Variants in KCNA4 observed in about 807,000 individuals in gnomAD.
The protein encoded by KCNA4 is potassium voltage-gated channel subfamily A member 4.
KCNA4 carries 5 observed loss-of-function variants against 37.2 expected under a neutral mutation model. The ratio of observed to expected loss-of-function variants is 0.13; its 90% CI spans 0.07 to 0.28. The LOEUF is 0.28. Among genes scored for constraint, KCNA4 ranks in the 10% least tolerant of loss-of-function variants. The probability of loss-of-function intolerance (pLI) is 1.00; values close to 1 mark genes in which losing one functional copy is unlikely to be tolerated. For missense variants in KCNA4, 634 were observed against 817.4 expected (o/e 0.78, Z 2.74); for synonymous variants, 350 against 311.8 (o/e 1.12, Z -1.29).
chr11:30,016,256 G>A (rs1850349450), intron 1 of KCNA4: 1 of 152,000 alleles, frequency 6.6e-6, no homozygotes, highest in Admixed American at 6.5e-5. Flanking sequence ...CCCCCCTCTC[G>A]TTGGGAAACG....
At chr11:30,014,959 G>A (rs1193696020) in intron 1 of KCNA4, among the ~76,000 whole-genome samples, 3 of 152,114 alleles carry the variant, frequency 2.0e-5, no homozygotes, top group Non-Finnish European at 4.4e-5. Context: ...ACCACCTGCT[G>A]CTCCTTGCTG....
In KCNA4 at chr11:30,010,912, G is replaced by A; in HGVS notation, c.1767C>T (p.Leu589=). The A allele has an allele frequency of 1.2e-6, 2 of 1,614,218 alleles. No homozygotes were observed. Among genetic ancestry groups the A allele is most frequent in the Non-Finnish European group, 1.7e-6 (2 of 1,180,036 alleles). The change falls in exon 2 of 2, where the codon CTC becomes CTT. Residue 589 remains leucine, a synonymous_variant. Transcript: ENST00000328224. ...LTQNAVSCPY[L]PSNLLKKFRS... ...GAAATTTCTTGAGCAAATTAGAGGG[G>A]AGGTATGGACAACTGACTGCATTCT...
Position 30,016,855 on chromosome 11 carries a change from T to C in KCNA4, c.-1066A>G. The C allele has an allele frequency of 2.5e-6, 1 of 397,334 alleles. No homozygotes were observed. The highest frequency in any genetic ancestry group is 4.4e-6 in the Non-Finnish European group (1 of 225,534). The allele number at this position is 397,334 out of a possible 1,614,324, so 24.6% of individuals were successfully genotyped here. On this transcript the variant is annotated 5_prime_UTR_variant, in exon 1 of 2. Transcript: ENST00000328224. ...CCCAAGACTCCTGGTTCCTCTGGAG[T>C]TCAGCACAGGAGGGATTGCCTGGGA...
Position 30,012,618 on chromosome 11 carries a change from A to G in KCNA4, c.61T>C (p.Tyr21His). 1 of 1,606,458 alleles carries G rather than the reference A, an allele frequency of 6.2e-7. No individual in the cohort carries two copies. Among genetic ancestry groups the G allele is most frequent in the Non-Finnish European group, 8.5e-7 (1 of 1,177,470 alleles). ...TCCCGGGCCCGGGCCTGGGCAGCAT[A>G]ACCATAAGGCATGTGACTGTTGCAC... ...SGCNSHMPYG[Y>H]AAQARARERE... Residue 21 changes from tyrosine to histidine, a missense_variant, in exon 2 of 2, where the codon TAT becomes CAT. Tyr to His is a moderately conservative substitution (Grantham distance 83). This residue lies in a region of KCNA4 where 236 missense variants were observed against 229.5 expected (regional missense o/e 1.03). Transcript: ENST00000328224.
In KCNA4 at chr11:30,011,168, G is replaced by T. The variant is rs1280040583; in HGVS notation, c.1511C>A (p.Pro504His). Residue 504 changes from proline to histidine, a missense_variant, in exon 2 of 2, where the codon CCT (proline) becomes CAT (histidine). Around this residue, in one of 8 missense-constraint regions of KCNA4, gnomAD observed 17 missense variants for 16.3 expected, o/e 1.04. Transcript: ENST00000328224. This position sits in a 1 kb window ranked among gnomAD's most constrained non-coding sequence, Gnocchi z 5.6. ...TGGGATGCTTTGGAAATGGGTAGTA[G>T]GTTCATCCGCCTCTGCAAAATACAC... Reference protein sequence around the residue: ...SAVYFAEADEPTTHFQSIPDA... With the variant: ...SAVYFAEADEHTTHFQSIPDA... The T allele has an allele frequency of 6.2e-7, 1 of 1,614,158 alleles. No homozygotes were observed. Among genetic ancestry groups the T allele is most frequent in the Non-Finnish European group, 8.5e-7 (1 of 1,180,042 alleles).
Position 30,010,519 on chromosome 11 carries a change from T to C in KCNA4, c.*198A>G. ...AATATAAAGATAGATTTGCTCCTAT[T>C]CCTCCCTCTTCTCCAAGATGTATCA... is the stretch of plus-strand genomic sequence containing the variant. On this transcript the variant is annotated 3_prime_UTR_variant, in exon 2 of 2. Transcript: ENST00000328224. 2 of 847,236 alleles carry C rather than the reference T, an allele frequency of 2.4e-6. No homozygotes were observed. Among genetic ancestry groups the C allele is most frequent in the Non-Finnish European group, 3.4e-6 (2 of 592,118 alleles). The allele number at this position is 847,236 out of a possible 1,614,324, so 52.5% of individuals were successfully genotyped here. A position where few individuals can be genotyped will look rare whatever the true frequency, so the allele number is the denominator to read the frequency against.
At chr11:30,014,643 G>T (rs185102460) in intron 1 of KCNA4, among the ~76,000 whole-genome samples, 3 of 151,248 alleles carry the variant, frequency 2.0e-5, no homozygotes, top group Non-Finnish European at 2.9e-5. Flanking sequence ...TTGCAGCTCC[G>T]ATCTGCTCCC....
In KCNA4 at chr11:30,012,883, T is replaced by G. The variant is rs1309304448; in HGVS notation, c.-205A>C. The G allele has an allele frequency of 1.5e-6, 1 of 648,546 alleles. No individual in the cohort carries two copies. Among genetic ancestry groups the G allele is most frequent in the Non-Finnish European group, 2.4e-6 (1 of 415,598 alleles). The allele number at this position is 648,546 out of a possible 1,614,324, so 40.2% of individuals were successfully genotyped here. A position where few individuals can be genotyped will look rare whatever the true frequency, so the allele number is the denominator to read the frequency against. Reference sequence around the variant, plus strand: ...CTCTCTCTTCTCAGGGATTCAACATTGCTCTCCAGAGCTTGGCTGGTCGAG... The same window carrying G: ...CTCTCTCTTCTCAGGGATTCAACATGGCTCTCCAGAGCTTGGCTGGTCGAG... On this transcript the variant is annotated 5_prime_UTR_variant, in exon 2 of 2. Coordinates refer to ENST00000328224, the MANE Select transcript of KCNA4 (RefSeq NM_002233.4).
rs974475409 is a variant in KCNA4 at position 30,016,807 on chromosome 11, G to C, written c.-1018C>G. On this transcript the variant is annotated 5_prime_UTR_variant, in exon 1 of 2. Coordinates refer to ENST00000328224, the MANE Select transcript of KCNA4 (RefSeq NM_002233.4). ...TCGCGGCTGGAGCCTGGGGGTGGGGGTTGGGGCTGCCCCAGAGAAGACCCC... is the reference window on the plus strand; with the variant it reads ...TCGCGGCTGGAGCCTGGGGGTGGGGCTTGGGGCTGCCCCAGAGAAGACCCC... 2.6e-6 allele frequency: 1 copy of C among 391,394 alleles called. No individual in the cohort carries two copies. Among genetic ancestry groups the C allele is most frequent in the Non-Finnish European group, 4.5e-6 (1 of 221,974 alleles). 24.2% of individuals were successfully genotyped at this position (391,394 alleles called of 1,614,324 possible). A position where few individuals can be genotyped will look rare whatever the true frequency, so the allele number is the denominator to read the frequency against.
In KCNA4 at chr11:30,012,521, C is replaced by T; in HGVS notation, c.158G>A (p.Gly53Asp). Residue 53 changes from glycine (G) to aspartate (D), a missense_variant, in exon 2 of 2, where the codon GGT becomes GAT. Physicochemically the swap from Gly to Asp is moderately conservative, Grantham distance 94. Coordinates refer to ENST00000328224, the MANE Select transcript of KCNA4 (RefSeq NM_002233.4). Reference protein sequence around the residue: ...AVAAATAAVEGSGGSGGGSHH... With the variant: ...AVAAATAAVEDSGGSGGGSHH... ...GGAGCCCCCACCAGAACCCCCGCTA[C>T]CTTCGACAGCAGCTGTGGCCGCTGC... 6.2e-7 allele frequency: 1 copy of T among 1,609,318 alleles called. No individual in the cohort carries two copies. Among genetic ancestry groups the T allele is most frequent in the African/African-American group, 1.3e-5 (1 of 75,052 alleles).
intron 1 of KCNA4, among the ~76,000 whole-genome samples, chr11:30,015,712 G>T (rs761409511): frequency 5.3e-5 from 8 of 152,120 alleles, no homozygotes; most frequent in South Asian, 4.1e-4. Flanking sequence ...CAGCAAATCA[G>T]ACTGGTTTAA....
In KCNA4 at chr11:30,010,947, G is replaced by C; in HGVS notation, c.1732C>G (p.Gln578Glu). The change falls in exon 2 of 2, where the codon CAG becomes GAG. Residue 578 changes from glutamine to glutamate, a missense_variant. Gln to Glu is a conservative substitution (Grantham distance 29). Coordinates refer to ENST00000328224, the MANE Select transcript of KCNA4 (RefSeq NM_002233.4). ...HRETENEEQT[Q>E]LTQNAVSCPY... is the part of the protein sequence containing the mutation. Reference sequence around the variant, plus strand: ...CAACTGACTGCATTCTGCGTTAGCTGTGTCTGTTCCTCATTTTCAGTCTCT... The same window carrying C: ...CAACTGACTGCATTCTGCGTTAGCTCTGTCTGTTCCTCATTTTCAGTCTCT... The C allele has an allele frequency of 1.9e-6, 3 of 1,614,192 alleles. No homozygotes were observed. The highest frequency in any genetic ancestry group is 2.5e-6 in the Non-Finnish European group (3 of 1,180,032).
chr11:30,014,171 A>G (rs1018186056), intron 1 of KCNA4, among the ~76,000 whole-genome samples: 1 of 152,170 alleles, frequency 6.6e-6, no homozygotes, highest in Admixed American at 6.5e-5. Context: ...TTTATTGTCT[A>G]TCTACACAGC....
In KCNA4 at chr11:30,010,642, T is replaced by C; in HGVS notation, c.*75A>G. On this transcript the variant is annotated 3_prime_UTR_variant, in exon 2 of 2. Transcript: ENST00000328224. Reference sequence around the variant, plus strand: ...GCATTGGATCATTTGCATATTTCATTTTCATAACTGCACTCTCTATGCATA... The same window carrying C: ...GCATTGGATCATTTGCATATTTCATCTTCATAACTGCACTCTCTATGCATA... 6.6e-7 allele frequency: 1 copy of C among 1,525,812 alleles called. No homozygotes were observed. Among genetic ancestry groups the C allele is most frequent in the Non-Finnish European group, 8.8e-7 (1 of 1,139,784 alleles). 94.5% of individuals were successfully genotyped at this position (1,525,812 alleles called of 1,614,324 possible). A position where few individuals can be genotyped will look rare whatever the true frequency, so the allele number is the denominator to read the frequency against.
At chr11:30,015,094 G>A (rs2133456629) in intron 1 of KCNA4, among the ~76,000 whole-genome samples, 1 of 152,178 alleles carries the variant, frequency 6.6e-6, no homozygotes, top group East Asian at 1.9e-4. Flanking sequence ...AGGGCAAGAA[G>A]GGCATTTGAT....
rs374154145 is a variant in KCNA4 at position 30,011,176 on chromosome 11, C to G, written c.1503G>C (p.Ala501=). 6.2e-7 allele frequency: 1 copy of G among 1,614,100 alleles called. No individual in the cohort carries two copies. The highest frequency in any genetic ancestry group is 8.5e-7 in the Non-Finnish European group (1 of 1,180,034). ...LFSSAVYFAE[A]DEPTTHFQSI... ...TTTGGAAATGGGTAGTAGGTTCATC[C>G]GCCTCTGCAAAATACACAGCACTAG... Residue 501 remains alanine, a synonymous_variant, in exon 2 of 2, where the codon GCG becomes GCC. Transcript: ENST00000328224. The surrounding 1 kb of genome is among the most constrained non-coding windows in gnomAD (Gnocchi z 5.6).
At position 30,010,897 on chromosome 11, in the gene KCNA4, G is replaced by T; in HGVS notation, c.1782C>A (p.Leu594=). 6.2e-7 allele frequency: 1 copy of T among 1,614,152 alleles called. No homozygotes were observed. Among genetic ancestry groups the T allele is most frequent in the South Asian group, 1.1e-5 (1 of 91,078 alleles). ...VSCPYLPSNL[L]KKFRSSTSSS... ...AAGAAGTAGAGCTCCGAAATTTCTT[G>T]AGCAAATTAGAGGGGAGGTATGGAC... is the stretch of plus-strand genomic sequence containing the variant. Residue 594 remains leucine (L), a synonymous_variant, in exon 2 of 2, where the codon CTC becomes CTA. Transcript: ENST00000328224.
intron 1 of KCNA4, among the ~76,000 whole-genome samples, chr11:30,014,835 G>A (rs934022681): frequency 7.9e-5 from 12 of 152,118 alleles, no homozygotes. Flanking sequence ...CCAGAGAACT[G>A]GAGAGAATGA....
Position 30,016,830 on chromosome 11 carries a change from C to T in KCNA4, c.-1041G>A. 2.5e-6 allele frequency: 1 copy of T among 396,352 alleles called. No individual in the cohort carries two copies. The highest frequency in any genetic ancestry group is 4.4e-6 in the Non-Finnish European group (1 of 224,832). The allele number at this position is 396,352 out of a possible 1,614,324, so 24.6% of individuals were successfully genotyped here. The stretch of plus-strand genomic sequence containing the variant: ...GGGTTGGGGCTGCCCCAGAGAAGAC[C>T]CCAAGACTCCTGGTTCCTCTGGAGT... On this transcript the variant is annotated 5_prime_UTR_variant, in exon 1 of 2. Coordinates refer to ENST00000328224, the MANE Select transcript of KCNA4 (RefSeq NM_002233.4).
Sources: gnomAD v4.1 joint callset for allele counts (sites outside exome capture counted in the v4.1 genomes callset) on GRCh38, gnomAD v4.1.1 for gene constraint, gnomAD v4.1.1 regional missense constraint, Gnocchi (gnomAD v3.1) non-coding constraint, MANE v1.5 for transcripts, NCBI Gene and HGNC (gene_info 2026-07-23, HGNC 2026-07-21) for gene names.